MALRD1: variants seen among roughly 807,000 people sequenced by gnomAD.
MALRD1 encodes the protein MAM and LDL receptor class A domain containing 1.
Under a neutral mutation model 242.1 loss-of-function variants are expected in MALRD1, and 247 were observed. The observed-to-expected ratio is 1.02, with a 90% CI of 0.92 to 1.13. The LOEUF is 1.13. MALRD1 is among the 50% of genes most tolerant of loss of function. MALRD1 has a pLI of 0.00. For missense variants in MALRD1, 2,989 were observed against 2,533.1 expected, an observed-to-expected ratio of 1.18 and a Z score of -3.86; for synonymous variants, 995 against 866.6, an observed-to-expected ratio of 1.15 and a Z score of -2.60.
chr10:19,418,090 A>G (rs949029268), intron 28 of MALRD1, among the ~76,000 whole-genome samples: 3 of 152,230 alleles, frequency 2.0e-5, no homozygotes, highest in East Asian at 3.9e-4. Context: ...ATGATCCCAT[A>G]TGAATATTTT....
At chr10:19,337,694 G>A (rs1327594815) in intron 24 of MALRD1, among the ~76,000 whole-genome samples, 1 of 151,958 alleles carries the variant, frequency 6.6e-6, no homozygotes, top group African/African-American at 2.4e-5. Flanking sequence ...CATTTTGTAG[G>A]TTGTCTTTTT....
rs147104976 is a variant in MALRD1 at position 19,481,619 on chromosome 10, G to A, written c.5030-9898G>A. Reference sequence around the variant, plus strand: ...TTCTCAGATGTTGTTCTTCCTTTATGTAAATATGAATCTTCTAGTCATATT... The same window carrying A: ...TTCTCAGATGTTGTTCTTCCTTTATATAAATATGAATCTTCTAGTCATATT... On this transcript the variant is annotated intron_variant, in intron 29 of 39. Coordinates refer to ENST00000454679, the MANE Select transcript of MALRD1 (RefSeq NM_001142308.3). Among the ~76,000 whole-genome samples, 410 of 152,146 alleles carry A rather than the reference G, an allele frequency of 2.7e-3. 3 individuals are homozygous for A. The highest frequency in any genetic ancestry group is 9.1e-3 in the African/African-American group (379 of 41,522).
At chr10:19,064,799 G>T (rs551807164) in intron 1 of MALRD1, among the ~76,000 whole-genome samples, 9 of 151,262 alleles carry the variant, frequency 5.9e-5, no homozygotes, top group African/African-American at 2.2e-4. Context: ...AAATTGAGAG[G>T]TGAGCTGGTG....
At chr10:19,592,602 G>C (rs1837856904) in intron 33 of MALRD1, among the ~76,000 whole-genome samples, 1 of 152,192 alleles carries the variant, frequency 6.6e-6, no homozygotes, top group Non-Finnish European at 1.5e-5. Flanking sequence ...ACCTTGAAAA[G>C]AAGGGCCTAG....
chr10:19,624,534 G>A (rs1839557152), intron 36 of MALRD1, among the ~76,000 whole-genome samples: 1 of 152,014 alleles, frequency 6.6e-6, no homozygotes, highest in Admixed American at 6.6e-5. Context: ...ATAAACCTGT[G>A]GAGCAGATAA....
At chr10:19,549,504 A>G (rs960009491) in intron 32 of MALRD1, among the ~76,000 whole-genome samples, 32 of 152,168 alleles carry the variant, frequency 2.1e-4, no homozygotes, top group African/African-American at 7.7e-4. Context: ...AAGACCCTTC[A>G]CCAGCAAGAT....
At chr10:19,138,667 G>A (rs1286480930) in intron 10 of MALRD1, among the ~76,000 whole-genome samples, 3 of 151,996 alleles carry the variant, frequency 2.0e-5, no homozygotes, top group Admixed American at 1.3e-4. Context: ...TGATCCACCT[G>A]CCTCAGCCTC....
intron 4 of MALRD1, among the ~76,000 whole-genome samples, chr10:19,095,700 A>T (rs190311393): frequency 6.6e-6 from 1 of 152,316 alleles, no homozygotes; most frequent in African/African-American, 2.4e-5. Context: ...GGTATGCAGA[A>T]TGAGTACCCC....
At chr10:19,375,468 G>A (rs548201039) in intron 26 of MALRD1, among the ~76,000 whole-genome samples, 1 of 152,020 alleles carries the variant, frequency 6.6e-6, no homozygotes. Flanking sequence ...GGGCTTTAAG[G>A]TAATAGATCT....
At chr10:19,119,844 G>A (rs1216482087) in intron 5 of MALRD1, among the ~76,000 whole-genome samples, 1 of 152,174 alleles carries the variant, frequency 6.6e-6, no homozygotes, top group Non-Finnish European at 1.5e-5. Context: ...CCCAAAGTTA[G>A]TCCAGTCTCC....
intron 38 of MALRD1, among the ~76,000 whole-genome samples, chr10:19,721,323 CTT>C (rs1438840281): frequency 6.6e-6 from 1 of 152,072 alleles, no homozygotes; most frequent in Non-Finnish European, 1.5e-5. Context: ...TAATTGAAGA[CTT>C]TAAAATGAGA....
At chr10:19,642,592 A>G (rs532585760) in intron 36 of MALRD1, among the ~76,000 whole-genome samples, 2 of 152,344 alleles carry the variant, frequency 1.3e-5, no homozygotes, top group South Asian at 2.1e-4. Flanking sequence ...TATATCTACC[A>G]TCTATCTGGA....
At chr10:19,534,810 C>G (rs999220667) in intron 32 of MALRD1, among the ~76,000 whole-genome samples, 1 of 151,894 alleles carries the variant, frequency 6.6e-6, no homozygotes, top group Non-Finnish European at 1.5e-5. Flanking sequence ...TATTTTATAT[C>G]TAGAAATTTA....
intron 28 of MALRD1, among the ~76,000 whole-genome samples, chr10:19,429,278 G>C (rs747866153): frequency 6.6e-6 from 1 of 152,044 alleles, no homozygotes; most frequent in Non-Finnish European, 1.5e-5. Flanking sequence ...GAGTCAAATA[G>C]AGTCACTTAG....
At chr10:19,150,393 A>AG (rs1027747080) in intron 11 of MALRD1, among the ~76,000 whole-genome samples, 1 of 150,948 alleles carries the variant, frequency 6.6e-6, no homozygotes, top group African/African-American at 2.5e-5. Context: ...ATGGCAATTT[A>AG]GGGGGGACTG....
intron 31 of MALRD1, among the ~76,000 whole-genome samples, chr10:19,528,782 G>A (rs1432081747): frequency 4.6e-5 from 7 of 152,116 alleles, no homozygotes; most frequent in African/African-American, 1.7e-4. Context: ...ATCGTAGAAG[G>A]AAAGGTGAAC....
At chr10:19,502,084 G>T (rs1838004403) in intron 31 of MALRD1, among the ~76,000 whole-genome samples, 1 of 149,942 alleles carries the variant, frequency 6.7e-6, no homozygotes. Flanking sequence ...TACCTGAAAA[G>T]AAAATCCAGT....
At chr10:19,511,177 A>C (rs1040469753) in intron 31 of MALRD1, among the ~76,000 whole-genome samples, 1 of 152,144 alleles carries the variant, frequency 6.6e-6, no homozygotes, top group Non-Finnish European at 1.5e-5. Context: ...AAAAAATCTT[A>C]TTTATTTTAC....
chr10:19,185,248 T>C lies in MALRD1; in HGVS notation c.1951+9920T>C, dbSNP rs16918327. 8.5e-3 allele frequency among the ~76,000 whole-genome samples: 1,296 copies of C among 152,284 alleles called. 14 individuals are homozygous for C. Among genetic ancestry groups the C allele is most frequent in the African/African-American group, 0.03 (1,231 of 41,568 alleles). On this transcript the variant is annotated intron_variant, in intron 14 of 39. Transcript: ENST00000454679. ...GTAATGTAGGCAAGAAAGCCAAAAT[T>C]TACTTAAGCAGCTCTGTAAGTTGTA...
Sources: allele counts gnomAD v4.1 joint callset (sites outside exome capture counted in the v4.1 genomes callset), GRCh38; gene constraint gnomAD v4.1.1; transcripts MANE v1.5; gene names NCBI Gene and HGNC (gene_info 2026-07-23, HGNC 2026-07-21).